The following ROR1 variants were observed in gnomAD, a reference collection of about 807,000 sequenced individuals.
ROR1 encodes the protein inactive tyrosine-protein kinase transmembrane receptor ROR1.
A neutral mutation model predicts 78.8 loss-of-function variants in ROR1; 19 were observed. The ratio of observed to expected loss-of-function variants is 0.24; its 90% CI spans 0.17 to 0.35. The LOEUF (loss-of-function observed/expected upper bound fraction) is 0.35, where lower values mean the gene tolerates loss of function less well. ROR1 is among the 10% of genes least tolerant of loss of function. ROR1 has a pLI of 1.00. For missense variants in ROR1, 917 were observed against 1,177.8 expected, an observed-to-expected ratio of 0.78 and a Z score of 3.24; for synonymous variants, 386 against 433.6, an observed-to-expected ratio of 0.89 and a Z score of 1.36.
chr1:63,793,718 G>T (rs1644740686), intron 1 of ROR1, among the ~76,000 whole-genome samples: 2 of 152,208 alleles, frequency 1.3e-5, no homozygotes, highest in African/African-American at 4.8e-5. Context: ...AGTGGTGGTT[G>T]CTTCAGCGGT....
chr1:64,149,744 G>A (rs1437637249), intron 7 of ROR1, among the ~76,000 whole-genome samples: 1 of 152,200 alleles, frequency 6.6e-6, no homozygotes, highest in African/African-American at 2.4e-5. Flanking sequence ...AATATCTTGG[G>A]TTGGGTGTAA....
In ROR1 at chr1:63,929,570, A is replaced by G. The variant is rs547461570; in HGVS notation, c.92-79735A>G. ...GAAAAGCAGCCTAGAGGGATGTTAT[A>G]TAGTTCTTATTTATCTCCATAGCTT... On this transcript the variant is annotated intron_variant, in intron 1 of 8. Transcript: ENST00000371079. Among the ~76,000 whole-genome samples the G allele has an allele frequency of 3.3e-5, 5 of 152,316 alleles. No individual in the cohort carries two copies. In the East Asian group the frequency reaches 9.7e-4, roughly 29 times the overall value.
At chr1:64,027,461 T>C (rs940503794) in intron 2 of ROR1, among the ~76,000 whole-genome samples, 2 of 152,268 alleles carry the variant, frequency 1.3e-5, no homozygotes, top group Non-Finnish European at 2.9e-5. Flanking sequence ...GGCAATTAAC[T>C]AAATCTCCTG....
In ROR1 at chr1:64,140,171, C is replaced by G; in HGVS notation, c.673C>G (p.Pro225Ala). 6.2e-7 allele frequency: 1 copy of G among 1,614,104 alleles called. No homozygotes were observed. The change falls in exon 6 of 9, where the codon CCT becomes GCT. Residue 225 changes from proline to alanine, a missense_variant. Pro to Ala is a conservative substitution (Grantham distance 27). Around this residue, in one of 3 missense-constraint regions of ROR1, gnomAD observed 835 missense variants for 1,069.8 expected, o/e 0.78. Coordinates refer to ENST00000371079, the MANE Select transcript of ROR1 (RefSeq NM_005012.4). The part of the protein sequence containing the change: ...LSDKCSQFAI[P>A]SLCHYAFPYC... ...TGATAAGTGTTCTCAGTTCGCCATT[C>G]CTTCCCTGTGCCACTATGCCTTCCC...
chr1:63,901,765 C>T (rs1265924361), intron 1 of ROR1, among the ~76,000 whole-genome samples: 1 of 151,828 alleles, frequency 6.6e-6, no homozygotes, highest in African/African-American at 2.4e-5. Flanking sequence ...ATACATACTT[C>T]CTTCTATCAT....
rs571413205 is a variant in ROR1 at position 64,073,328 on chromosome 1, C to T, written c.482+22612C>T. 2.4e-4 allele frequency among the ~76,000 whole-genome samples: 37 copies of T among 152,206 alleles called. No individual in the cohort carries two copies. In the East Asian group the frequency reaches 7.2e-3, roughly 29 times the overall value. On this transcript the variant is annotated intron_variant, in intron 4 of 8. Transcript: ENST00000371079. ...CTCCTCTGTGTGCCCCTTCCTGCTC[C>T]ATGTGCTCCTTTATTTTACCCATTT...
At chr1:64,148,635 G>A (rs577537826) in intron 7 of ROR1, among the ~76,000 whole-genome samples, 8 of 152,266 alleles carry the variant, frequency 5.3e-5, no homozygotes, top group African/African-American at 1.9e-4. Flanking sequence ...CTCTAATAAA[G>A]GCGCTTGAGA....
At chr1:63,973,666 G>T (rs1646135950) in intron 1 of ROR1, among the ~76,000 whole-genome samples, 1 of 152,144 alleles carries the variant, frequency 6.6e-6, no homozygotes, top group Non-Finnish European at 1.5e-5. Flanking sequence ...ATCAGCAACA[G>T]ACTTGCTGGA....
intron 2 of ROR1, among the ~76,000 whole-genome samples, chr1:64,049,109 T>A (rs1426438185): frequency 6.6e-6 from 1 of 152,220 alleles, no homozygotes; most frequent in Non-Finnish European, 1.5e-5. Context: ...TCAGTAATAT[T>A]ATGGAAATGT....
At chr1:64,033,247 A>C (rs1569586906) in intron 2 of ROR1, among the ~76,000 whole-genome samples, 1 of 152,224 alleles carries the variant, frequency 6.6e-6, no homozygotes, top group Non-Finnish European at 1.5e-5. Context: ...TGATAATAAC[A>C]AATTTATGCT....
chr1:63,931,553 A>G (rs1307568804), intron 1 of ROR1, among the ~76,000 whole-genome samples: 1 of 152,150 alleles, frequency 6.6e-6, no homozygotes, highest in African/African-American at 2.4e-5. Flanking sequence ...GAAATAAACA[A>G]CTTCTAGGTT....
intron 2 of ROR1, among the ~76,000 whole-genome samples, chr1:64,048,694 T>C (rs1646804813): frequency 6.6e-6 from 1 of 152,238 alleles, no homozygotes; most frequent in Non-Finnish European, 1.5e-5. Context: ...AAATACTTGA[T>C]TGAAGAATAA....
At chr1:63,798,936 A>G (rs1644779139) in intron 1 of ROR1, among the ~76,000 whole-genome samples, 1 of 152,202 alleles carries the variant, frequency 6.6e-6, no homozygotes, top group Non-Finnish European at 1.5e-5. Context: ...TCAGCACCAT[A>G]CTTTATATCT....
intron 8 of ROR1, among the ~76,000 whole-genome samples, chr1:64,163,222 AACACACACACACAC>A (rs57880828): frequency 4.9e-4 from 67 of 137,750 alleles, no homozygotes; most frequent in East Asian, 2.4e-3. Context: ...CATCTCTACA[AACACACACACACAC>A]ACACACACAC....
chr1:64,044,994 C>A (rs181293774), intron 2 of ROR1, among the ~76,000 whole-genome samples: 8 of 152,086 alleles, frequency 5.3e-5, no homozygotes, highest in African/African-American at 9.6e-5. Context: ...TCTAAACAGG[C>A]AATGCATGAT....
intron 8 of ROR1, among the ~76,000 whole-genome samples, chr1:64,166,294 C>T (rs1442619835): frequency 6.6e-6 from 1 of 152,134 alleles, no homozygotes; most frequent in African/African-American, 2.4e-5. Flanking sequence ...TTGAAGTCAG[C>T]TAGCATGATG....
intron 1 of ROR1, among the ~76,000 whole-genome samples, chr1:63,775,078 A>G (rs1001638166): frequency 6.6e-6 from 1 of 152,000 alleles, no homozygotes; most frequent in Non-Finnish European, 1.5e-5. Flanking sequence ...GAGTCATCAT[A>G]GAGGCCAAAA....
intron 1 of ROR1, among the ~76,000 whole-genome samples, chr1:63,800,733 G>A (rs1644791830): frequency 6.6e-6 from 1 of 152,126 alleles, no homozygotes; most frequent in Admixed American, 6.6e-5. Context: ...AAGATCCTCA[G>A]GTAATTCATC....
intron 2 of ROR1, among the ~76,000 whole-genome samples, chr1:64,012,267 C>T (rs1042372752): frequency 6.6e-6 from 1 of 152,086 alleles, no homozygotes; most frequent in Non-Finnish European, 1.5e-5. Context: ...AATGACTGGC[C>T]TAAGTATGAA....
Sources: gnomAD v4.1 joint callset for allele counts (sites outside exome capture counted in the v4.1 genomes callset) on GRCh38, gnomAD v4.1.1 for gene constraint, gnomAD v4.1.1 regional missense constraint, MANE v1.5 for transcripts, NCBI Gene and HGNC (gene_info 2026-07-23, HGNC 2026-07-21) for gene names.